ITPK1: variants seen among roughly 807,000 people sequenced by gnomAD.
The protein encoded by ITPK1 is inositol-tetrakisphosphate 1-kinase.
In ITPK1, 21 loss-of-function variants were observed where a neutral mutation model predicts 45.3. The observed-to-expected ratio is 0.46, with a 90% CI of 0.33 to 0.67. ITPK1 has a LOEUF of 0.67. ITPK1 is among the 30% of genes least tolerant of loss of function. The pLI is 0.02. For missense variants in ITPK1, 474 were observed against 573.5 expected, an observed-to-expected ratio of 0.83 and a Z score of 1.77; for synonymous variants, 258 against 253.6, an observed-to-expected ratio of 1.02 and a Z score of -0.16.
intron 2 of ITPK1, among the ~76,000 whole-genome samples, chr14:93,091,936 C>T (rs960725381): frequency 6.6e-6 from 1 of 152,170 alleles, no homozygotes. Flanking sequence ...AGCTGCTGCT[C>T]GGCCCTCTTC....
At chr14:93,066,045 T>C in intron 3 of ITPK1, 1 of 275,210 alleles carries the variant, frequency 3.6e-6, no homozygotes, top group South Asian at 3.2e-5. Flanking sequence ...TGTGAGCCTA[T>C]CTTGACTTCC....
intron 3 of ITPK1, among the ~76,000 whole-genome samples, chr14:93,045,900 C>A (rs542534099): frequency 9.8e-4 from 149 of 152,320 alleles, no homozygotes; most frequent in Admixed American, 3.2e-3. Flanking sequence ...TTCAATCGCT[C>A]CCCAGTGCCC....
intron 3 of ITPK1, among the ~76,000 whole-genome samples, chr14:93,041,389 G>T (rs1196816651): frequency 1.3e-5 from 2 of 152,214 alleles, no homozygotes; most frequent in Non-Finnish European, 2.9e-5. Context: ...CTCTCAGTAT[G>T]AGTTACTCTG....
At chr14:92,980,497 A>T (rs1247208043) in intron 5 of ITPK1, among the ~76,000 whole-genome samples, 1 of 152,044 alleles carries the variant, frequency 6.6e-6, no homozygotes, top group Non-Finnish European at 1.5e-5. Flanking sequence ...CCTGGTGATA[A>T]CTTGGCCTTT....
intron 9 of ITPK1, among the ~76,000 whole-genome samples, chr14:92,947,997 T>C (rs1050921718): frequency 1.3e-5 from 2 of 152,190 alleles, no homozygotes; most frequent in Non-Finnish European, 2.9e-5. Context: ...TACGACGGAA[T>C]ATTGTACAGC....
At position 93,038,674 on chromosome 14, in the gene ITPK1, T is replaced by C. The variant is rs532778435; in HGVS notation, c.121-21873A>G. 4.6e-5 allele frequency among the ~76,000 whole-genome samples: 7 copies of C among 152,222 alleles called. No homozygotes were observed. The South Asian group carries it at 1.5e-3, about 32-fold the overall frequency. ...TCCCATGTAGCTGGGATTACAGGCATGTGCCACCACACCCGGCTAATTTTT... is the reference window on the plus strand; with the variant it reads ...TCCCATGTAGCTGGGATTACAGGCACGTGCCACCACACCCGGCTAATTTTT... On this transcript the variant is annotated intron_variant, in intron 3 of 10. Coordinates refer to ENST00000267615, the MANE Select transcript of ITPK1 (RefSeq NM_014216.6).
Position 93,016,843 on chromosome 14 carries a change from C to T in ITPK1, c.121-42G>A. The T allele has an allele frequency of 1.2e-6, 2 of 1,608,226 alleles. No homozygotes were observed. The highest frequency in any genetic ancestry group is 1.7e-6 in the Non-Finnish European group (2 of 1,176,694). ...ACAGACAAAAGCAACAACTTCAGCACCTGAGTCCACTGCCCCCATCCTCTT... is the reference window on the plus strand; with the variant it reads ...ACAGACAAAAGCAACAACTTCAGCATCTGAGTCCACTGCCCCCATCCTCTT... On this transcript the variant is annotated intron_variant, in intron 3 of 10. Coordinates refer to ENST00000267615, the MANE Select transcript of ITPK1 (RefSeq NM_014216.6). The surrounding 1 kb of genome is among the most constrained non-coding windows in gnomAD (Gnocchi z 5.0).
At chr14:92,973,803 G>C (rs1476448442) in intron 5 of ITPK1, among the ~76,000 whole-genome samples, 1 of 152,238 alleles carries the variant, frequency 6.6e-6, no homozygotes, top group East Asian at 1.9e-4. Context: ...GAGGCCCCGG[G>C]ATGCAAGCGA....
intron 3 of ITPK1, among the ~76,000 whole-genome samples, chr14:93,052,229 G>T (rs1264549317): frequency 2.0e-5 from 3 of 152,144 alleles, no homozygotes; most frequent in African/African-American, 7.2e-5. Context: ...GCAGCTTGTA[G>T]GACTGTCTTT....
At chr14:93,082,045 G>T (rs1891456597) in intron 2 of ITPK1, among the ~76,000 whole-genome samples, 1 of 152,168 alleles carries the variant, frequency 6.6e-6, no homozygotes, top group Non-Finnish European at 1.5e-5. Context: ...AGCTGGGTAT[G>T]GGGACAGCTG....
chr14:93,007,892 C>G (rs774515723), intron 4 of ITPK1, among the ~76,000 whole-genome samples: 1 of 152,200 alleles, frequency 6.6e-6, no homozygotes. Context: ...GAAAATGGCA[C>G]GTTGTCTGTG....
intron 3 of ITPK1, among the ~76,000 whole-genome samples, chr14:93,066,948 C>G (rs1176219937): frequency 6.6e-6 from 1 of 152,132 alleles, no homozygotes; most frequent in East Asian, 1.9e-4. Flanking sequence ...AGCCCTGCAC[C>G]AGGCCAAACG....
intron 2 of ITPK1, 51 bp downstream of exon 2, chr14:93,115,017 CA>C: frequency 2.5e-6 from 3 of 1,178,214 alleles, no homozygotes; most frequent in Non-Finnish European, 3.6e-6. Flanking sequence ...GGCCGGGGGT[CA>C]CCGGGCTCGG....
intron 2 of ITPK1, among the ~76,000 whole-genome samples, chr14:93,109,910 C>T (rs923995796): frequency 2.6e-4 from 40 of 152,198 alleles, no homozygotes; most frequent in African/African-American, 9.4e-4. Flanking sequence ...AATAGAGAGG[C>T]ATCCATGGGC....
At chr14:92,960,790 C>T (rs1258933068) in intron 7 of ITPK1, among the ~76,000 whole-genome samples, 3 of 152,254 alleles carry the variant, frequency 2.0e-5, no homozygotes, top group African/African-American at 7.2e-5. Context: ...GGGACCAACG[C>T]TGCTGCTCTC....
intron 2 of ITPK1, among the ~76,000 whole-genome samples, chr14:93,085,726 T>C (rs1244680185): frequency 6.6e-6 from 1 of 152,248 alleles, no homozygotes; most frequent in Non-Finnish European, 1.5e-5. Context: ...GGAATCATCC[T>C]GACTTCTTGC....
At chr14:92,970,659 G>A (rs548266248) in intron 5 of ITPK1, among the ~76,000 whole-genome samples, 309 of 149,774 alleles carry the variant, frequency 2.1e-3, no homozygotes, top group Non-Finnish European at 3.5e-3. Context: ...TTTTTGAGAC[G>A]GAGTCTCGCT....
rs768335687 is a variant in ITPK1 at position 92,993,967 on chromosome 14, C to T, written c.277G>A (p.Val93Ile). The change falls in exon 5 of 11, where the codon GTC becomes ATC. Residue 93 changes from valine (V) to isoleucine (I), a missense_variant. This residue lies in a region of ITPK1 where 367 missense variants were observed against 480.6 expected (regional missense o/e 0.76). Transcript: ENST00000267615. ...CTGATGGCAGGGAGCGGGTCCAGGA[C>T]GATGGTCTCAGGGTGGGCATCGATG... ...EYIDAHPETI[V>I]LDPLPAIRTL... The T allele has an allele frequency of 1.8e-5, 29 of 1,613,864 alleles. No homozygotes were observed. Among genetic ancestry groups the T allele is most frequent in the African/African-American group, 5.3e-5 (4 of 75,004 alleles).
intron 3 of ITPK1, among the ~76,000 whole-genome samples, chr14:93,043,139 A>G (rs1020694884): frequency 6.6e-6 from 1 of 151,362 alleles, no homozygotes; most frequent in Non-Finnish European, 1.5e-5. Flanking sequence ...ACTTCTTGTC[A>G]TTGGTTAAAA....
Sources: allele counts gnomAD v4.1 joint callset (sites outside exome capture counted in the v4.1 genomes callset), GRCh38; gene constraint gnomAD v4.1.1; regional missense constraint gnomAD v4.1.1; non-coding constraint Gnocchi (gnomAD v3.1); transcripts MANE v1.5; gene names NCBI Gene and HGNC (gene_info 2026-07-23, HGNC 2026-07-21).